DBNL: variants seen among roughly 807,000 people sequenced by gnomAD.
DBNL encodes the protein drebrin-like protein.
DBNL carries 35 observed loss-of-function variants against 62.2 expected under a neutral mutation model. The ratio of observed to expected loss-of-function variants is 0.56; its 90% CI spans 0.43 to 0.75. The LOEUF is 0.75. Ranked by LOEUF, DBNL falls within the 30% of genes least tolerant of loss-of-function variation. The pLI is 0.00. For synonymous variants in DBNL, 197 were observed against 218.0 expected, an observed-to-expected ratio of 0.90 and a Z score of 0.85; for missense variants, 495 against 578.4, an observed-to-expected ratio of 0.86 and a Z score of 1.48.
intron 3 of DBNL, among the ~76,000 whole-genome samples, chr7:44,052,596 C>T (rs2096128491): frequency 6.9e-6 from 1 of 145,288 alleles, no homozygotes; most frequent in Non-Finnish European, 1.5e-5. Context: ...GGCCACAGAG[C>T]AAGACTCCAT....
chr7:44,058,649 G>A, intron 8 of DBNL, 169 bp downstream of exon 8: 1 of 1,009,582 alleles, frequency 9.9e-7, no homozygotes, highest in Non-Finnish European at 1.5e-6. Flanking sequence ...GAAAGCCAAA[G>A]GCGGAAGCGT....
chr7:44,051,010 AACAGTAG>A (rs1738659664), intron 2 of DBNL: 2 of 152,336 alleles, frequency 1.3e-5, no homozygotes, highest in Middle Eastern at 6.8e-3. Flanking sequence ...ATTGCCATTG[AACAGTAG>A]ACATGTGGTG....
rs756300776 is a variant in DBNL, at chr7:44,056,823, G to A, written c.394G>A (p.Val132Met). Residue 132 changes from valine (V) to methionine (M), a missense_variant, in exon 5 of 13, where the codon GTG (valine) becomes ATG (methionine). Val to Met is a conservative substitution (Grantham distance 21). Transcript: ENST00000448521. ...DVEPECIMEK[V>M]AKASGANYSF... ...GGAGCCTGAGTGCATCATGGAGAAG[G>A]TGGCCAAGGCTTCAGGTGCCAACTA... is the stretch of plus-strand genomic sequence containing the variant. 4.3e-6 allele frequency: 7 copies of A among 1,614,026 alleles called. No homozygotes were observed. Among genetic ancestry groups the A allele is most frequent in the Non-Finnish European group, 5.9e-6 (7 of 1,180,034 alleles).
In DBNL at chr7:44,067,385, C is replaced by T. The variant is rs1211583195; in HGVS notation, c.*6469C>T. On this transcript the variant is annotated 3_prime_UTR_variant, in exon 13 of 13. Coordinates refer to ENST00000448521, the MANE Select transcript of DBNL (RefSeq NM_001014436.3). Reference sequence around the variant, plus strand: ...TAGAAGCTGAGTACCCTGCAGGTCTCGGCAGCTTTGATGAGAACAAGGCCG... The same window carrying T: ...TAGAAGCTGAGTACCCTGCAGGTCTTGGCAGCTTTGATGAGAACAAGGCCG... The T allele has an allele frequency of 1.3e-5, 2 of 152,176 alleles. No individual in the cohort carries two copies. The highest frequency in any genetic ancestry group is 2.4e-5 in the African/African-American group (1 of 41,412). 9.4% of individuals were successfully genotyped at this position (152,176 alleles called of 1,614,324 possible). A position where few individuals can be genotyped will look rare whatever the true frequency, so the allele number is the denominator to read the frequency against.
chr7:44,044,851 AG>A, intron 1 of DBNL, 31 bp downstream of exon 1: 1 of 1,329,524 alleles, frequency 7.5e-7, no homozygotes. Flanking sequence ...GGGTCGGGCC[AG>A]GGGCTGCCTC....
Position 44,064,808 on chromosome 7 carries a change from C to CCCCCGGGA in DBNL, c.*3893_*3894insCCCGGGAC. ...TGGGGCTGCTGCCCACCCACCCTGC[C>CCCCCGGGA]CAGGCTCCTGAAGGTGGCCTCACCT... On this transcript the variant is annotated 3_prime_UTR_variant, in exon 13 of 13. Coordinates refer to ENST00000448521, the MANE Select transcript of DBNL (RefSeq NM_001014436.3). The CCCCCGGGA allele has an allele frequency of 6.4e-7, 1 of 1,553,296 alleles. No individual in the cohort carries two copies. The highest frequency in any genetic ancestry group is 8.8e-7 in the Non-Finnish European group (1 of 1,142,364).
chr7:44,056,192 T>G (rs1178380771), intron 4 of DBNL, among the ~76,000 whole-genome samples: 1 of 152,216 alleles, frequency 6.6e-6, no homozygotes, highest in African/African-American at 2.4e-5. Flanking sequence ...CAGTGTATGT[T>G]CCTGTCACCT....
At chr7:44,055,776 A>C (rs1175619075) in intron 4 of DBNL, among the ~76,000 whole-genome samples, 1 of 152,010 alleles carries the variant, frequency 6.6e-6, no homozygotes, top group African/African-American at 2.4e-5. Context: ...TTTGCTACTG[A>C]GTTGTTTGAG....
At chr7:44,054,976 T>C (rs573835124) in intron 4 of DBNL, among the ~76,000 whole-genome samples, 1 of 152,382 alleles carries the variant, frequency 6.6e-6, no homozygotes, top group Non-Finnish European at 1.5e-5. Context: ...TTCTGTTTTA[T>C]GGCTGAATAA....
chr7:44,065,528 A>G lies in DBNL; in HGVS notation c.*4612A>G, dbSNP rs745625274. 16 of 1,613,840 alleles carry G rather than the reference A, an allele frequency of 9.9e-6. No individual in the cohort carries two copies. The highest frequency in any genetic ancestry group is 1.4e-5 in the Non-Finnish European group (16 of 1,179,948). On this transcript the variant is annotated 3_prime_UTR_variant, in exon 13 of 13. Coordinates refer to ENST00000448521, the MANE Select transcript of DBNL (RefSeq NM_001014436.3). ...GACCATCACGAGGCGGTGAGTGGCC[A>G]TGGTGGCAGCAGGGACCACAGAGGA... is the stretch of plus-strand genomic sequence containing the variant.
chr7:44,063,340 A>C lies in DBNL; in HGVS notation c.*2424A>C. ...ACTCCTCTTGCCCAGGCTGGAGTGC[A>C]GTGGCACGATCTTGGCTCACTGCAA... On this transcript the variant is annotated 3_prime_UTR_variant, in exon 13 of 13. Transcript: ENST00000448521. 3.5e-6 allele frequency: 1 copy of C among 284,402 alleles called. No homozygotes were observed. Among genetic ancestry groups the C allele is most frequent in the Non-Finnish European group, 6.9e-6 (1 of 145,486 alleles). 17.6% of individuals were successfully genotyped at this position (284,402 alleles called of 1,614,324 possible).
intron 1 of DBNL, among the ~76,000 whole-genome samples, chr7:44,047,389 T>C (rs973018641): frequency 3.9e-5 from 6 of 152,334 alleles, no homozygotes; most frequent in South Asian, 2.1e-4. Context: ...AGTGCTGGCA[T>C]TGGGGAGGGC....
rs555180794 is a variant in DBNL at position 44,064,440 on chromosome 7, C to T, written c.*3524C>T. 72 of 311,024 alleles carry T rather than the reference C, an allele frequency of 2.3e-4. No homozygotes were observed. Among genetic ancestry groups the T allele is most frequent in the African/African-American group, 1.4e-3 (65 of 46,096 alleles). 19.3% of individuals were successfully genotyped at this position (311,024 alleles called of 1,614,324 possible). A position where few individuals can be genotyped will look rare whatever the true frequency, so the allele number is the denominator to read the frequency against. On this transcript the variant is annotated 3_prime_UTR_variant, in exon 13 of 13. Coordinates refer to ENST00000448521, the MANE Select transcript of DBNL (RefSeq NM_001014436.3). ...GAATTCAGTACCAGGGGGAGCTCCC[C>T]ACCACCCCGGAAAAGGGAGAGGCCC...
At position 44,062,458 on chromosome 7, in the gene DBNL, A is replaced by T; in HGVS notation, c.*1542A>T. On this transcript the variant is annotated 3_prime_UTR_variant, in exon 13 of 13. Transcript: ENST00000448521. The stretch of plus-strand genomic sequence containing the variant: ...AGAGCTGGGTCACTTGGCCTCTTCT[A>T]ACTGGCCCCAAGCACGCCAATTCTG... 1 of 413,300 alleles carries T rather than the reference A, an allele frequency of 2.4e-6. No individual in the cohort carries two copies. The highest frequency in any genetic ancestry group is 2.2e-5 in the South Asian group (1 of 45,868). The allele number at this position is 413,300 out of a possible 1,614,324, so 25.6% of individuals were successfully genotyped here. A position where few individuals can be genotyped will look rare whatever the true frequency, so the allele number is the denominator to read the frequency against.
At chr7:44,053,090 C>G in intron 4 of DBNL, 149 bp downstream of exon 4, 4 of 1,082,984 alleles carry the variant, frequency 3.7e-6, no homozygotes, top group Non-Finnish European at 5.3e-6. Flanking sequence ...AGGGCATGAC[C>G]AGAGGCTGCT....
chr7:44,065,562 G>A lies in DBNL; in HGVS notation c.*4646G>A, dbSNP rs201610176. ...GCAGGGACCACAGAGGACTCTGGAC[G>A]GGGACGGCTGCTTCCCAACACTCCC... On this transcript the variant is annotated 3_prime_UTR_variant, in exon 13 of 13. Coordinates refer to ENST00000448521, the MANE Select transcript of DBNL (RefSeq NM_001014436.3). The A allele has an allele frequency of 1.6e-5, 25 of 1,603,592 alleles. No homozygotes were observed. The highest frequency in any genetic ancestry group is 2.2e-5 in the East Asian group (1 of 44,824).
rs920642093 is a variant in DBNL at position 44,045,514 on chromosome 7, T to A, written c.83+694T>A. Among the ~76,000 whole-genome samples the A allele has an allele frequency of 2.6e-5, 4 of 152,222 alleles. No homozygotes were observed. In the East Asian group the frequency reaches 7.7e-4, roughly 29 times the overall value. ...CCCAAGATATCCTCACTTTCCTCTT[T>A]GCTTAAATTGTTTTTACTGACCAGT... On this transcript the variant is annotated intron_variant, in intron 1 of 12. Transcript: ENST00000448521.
In DBNL at chr7:44,060,265, A is replaced by G. The variant is rs535774566; in HGVS notation, c.1153+112A>G. ...CCAGGGGGTATCAGGAAGAGAAGAC[A>G]GGAGGGTGGGCGGTGCGTTTAGGGG... On this transcript the variant is annotated intron_variant, in intron 12 of 12. Transcript: ENST00000448521. This position sits in a 1 kb window ranked among gnomAD's most constrained non-coding sequence, Gnocchi z 6.3. 6 of 1,006,100 alleles carry G rather than the reference A, an allele frequency of 6.0e-6. No individual in the cohort carries two copies. The Admixed American group carries it at 1.1e-4, about 19-fold the overall frequency. 62.3% of individuals were successfully genotyped at this position (1,006,100 alleles called of 1,614,324 possible).
chr7:44,068,138 G>C lies in DBNL; in HGVS notation c.*7222G>C, dbSNP rs1042672439. The C allele has an allele frequency of 6.6e-6, 1 of 152,244 alleles. No homozygotes were observed. Among genetic ancestry groups the C allele is most frequent in the Non-Finnish European group, 1.5e-5 (1 of 68,054 alleles). 9.4% of individuals were successfully genotyped at this position (152,244 alleles called of 1,614,324 possible). ...GTAACGCTACCCTCTGTCTAGAGGA[G>C]CCATGGCCCCAAAAGCATGGGGCAA... On this transcript the variant is annotated 3_prime_UTR_variant, in exon 13 of 13. Coordinates refer to ENST00000448521, the MANE Select transcript of DBNL (RefSeq NM_001014436.3).
Sources: gnomAD v4.1 joint callset for allele counts (sites outside exome capture counted in the v4.1 genomes callset) on GRCh38, gnomAD v4.1.1 for gene constraint, Gnocchi (gnomAD v3.1) non-coding constraint, MANE v1.5 for transcripts, NCBI Gene and HGNC (gene_info 2026-07-23, HGNC 2026-07-21) for gene names.